The following KIRREL1 variants were observed in gnomAD, a reference collection of about 807,000 sequenced individuals.
The protein encoded by KIRREL1 is kirre like nephrin family adhesion molecule 1.
KIRREL1 carries 25 observed loss-of-function variants against 83.3 expected under a neutral mutation model. The observed-to-expected ratio is 0.30, with a 90% CI of 0.22 to 0.42. The LOEUF (loss-of-function observed/expected upper bound fraction) is 0.42, where lower values mean the gene tolerates loss of function less well. Among genes scored for constraint, KIRREL1 ranks in the 10% least tolerant of loss-of-function variants. The pLI, the probability that KIRREL1 is intolerant of heterozygous loss-of-function variation, is 1.00. For synonymous variants in KIRREL1, 388 were observed against 410.4 expected (o/e 0.95, Z 0.66); for missense variants, 812 against 1,032.3 (o/e 0.79, Z 2.92).
intron 1 of KIRREL1, chr1:158,030,723 A>G (rs1265706801): frequency 6.6e-6 from 1 of 152,212 alleles, no homozygotes; most frequent in Non-Finnish European, 1.5e-5. Flanking sequence ...CTAGGCCTGG[A>G]GCAGGTGAGA....
At chr1:158,091,692 G>C (rs1226260645) in intron 11 of KIRREL1, 136 bp downstream of exon 11, 1 of 812,896 alleles carries the variant, frequency 1.2e-6, no homozygotes, top group Non-Finnish European at 2.0e-6. Flanking sequence ...ACAGAGGGAT[G>C]TCCTGGCTGA....
At position 158,098,790 on chromosome 1, in the gene KIRREL1, C is replaced by T. The variant is rs528289286; in HGVS notation, c.*3670C>T. ...AACATCTGAGCACCCTGTCTTCAAG[C>T]GGTACGCTCTCCCCTTATTCCAGCA... On this transcript the variant is annotated 3_prime_UTR_variant, in exon 15 of 15. Transcript: ENST00000359209. 6.6e-6 allele frequency: 1 copy of T among 152,228 alleles called. No individual in the cohort carries two copies. Among genetic ancestry groups the T allele is most frequent in the African/African-American group, 2.4e-5 (1 of 41,450 alleles). The allele number at this position is 152,228 out of a possible 1,614,324, so 9.4% of individuals were successfully genotyped here.
chr1:158,035,620 A>G (rs1660454935), intron 1 of KIRREL1, among the ~76,000 whole-genome samples: 1 of 152,308 alleles, frequency 6.6e-6, no homozygotes, highest in Non-Finnish European at 1.5e-5. Context: ...GTTCTGGATG[A>G]GGTGTTAAGG....
chr1:158,028,670 T>A (rs1331487616), intron 1 of KIRREL1, among the ~76,000 whole-genome samples: 1 of 152,232 alleles, frequency 6.6e-6, no homozygotes, highest in African/African-American at 2.4e-5. Context: ...TTTTCTATTT[T>A]TTTAACTTAT....
At chr1:158,007,948 A>G (rs1484964772) in intron 1 of KIRREL1, among the ~76,000 whole-genome samples, 1 of 151,940 alleles carries the variant, frequency 6.6e-6, no homozygotes, top group African/African-American at 2.4e-5. Context: ...TAATTTGTGG[A>G]TTATAGCTAA....
At chr1:158,005,071 G>T (rs1053080782) in intron 1 of KIRREL1, among the ~76,000 whole-genome samples, 2 of 152,188 alleles carry the variant, frequency 1.3e-5, no homozygotes, top group Non-Finnish European at 2.9e-5. Flanking sequence ...TGCAGATTCT[G>T]ACTCACAAAG....
intron 1 of KIRREL1, among the ~76,000 whole-genome samples, chr1:158,070,962 C>T (rs1019344704): frequency 3.3e-5 from 5 of 152,140 alleles, no homozygotes; most frequent in African/African-American, 4.8e-5. Flanking sequence ...TGGGCCTTCT[C>T]GTAATTTCCT....
At chr1:158,029,931 C>T (rs1660278507) in intron 1 of KIRREL1, among the ~76,000 whole-genome samples, 1 of 152,126 alleles carries the variant, frequency 6.6e-6, no homozygotes, top group Non-Finnish European at 1.5e-5. Context: ...GTACGTAGTA[C>T]AAAATATAAA....
intron 1 of KIRREL1, among the ~76,000 whole-genome samples, chr1:158,033,213 A>C (rs1373194499): frequency 1.3e-5 from 2 of 152,030 alleles, no homozygotes; most frequent in African/African-American, 2.4e-5. Flanking sequence ...CTGGGATCAC[A>C]GGCGCCCACC....
At chr1:158,089,965 T>A in intron 10 of KIRREL1, 147 bp downstream of exon 10, 1 of 690,630 alleles carries the variant, frequency 1.4e-6, no homozygotes, top group Non-Finnish European at 2.6e-6. Flanking sequence ...CCTCTGTCCC[T>A]TTACCTGCTC....
At position 158,088,171 on chromosome 1, in the gene KIRREL1, G is replaced by T. The variant is rs1452966228; in HGVS notation, c.916+17G>T. 2 of 1,614,034 alleles carry T rather than the reference G, an allele frequency of 1.2e-6. No individual in the cohort carries two copies. Among genetic ancestry groups the T allele is most frequent in the African/African-American group, 2.7e-5 (2 of 74,914 alleles). On this transcript the variant is annotated intron_variant, in intron 7 of 14. Coordinates refer to ENST00000359209, the MANE Select transcript of KIRREL1 (RefSeq NM_018240.7). ...ATGTCCACTGTGAGTAGCTGGGAGG[G>T]CAGGGACGGGGACAGAGAGCAGGGG...
chr1:158,084,610 C>T, intron 4 of KIRREL1, 31 bp downstream of exon 4: 1 of 1,548,472 alleles, frequency 6.5e-7, no homozygotes, highest in Non-Finnish European at 8.7e-7. Flanking sequence ...CCAGCTCCTC[C>T]TGGGCCTAGC....
At chr1:158,025,146 C>T (rs1660131755) in intron 1 of KIRREL1, among the ~76,000 whole-genome samples, 1 of 152,120 alleles carries the variant, frequency 6.6e-6, no homozygotes, top group Admixed American at 6.5e-5. Context: ...TGCAGGGGAG[C>T]GCTTTGGATG....
chr1:158,023,440 C>CT (rs879452025), intron 1 of KIRREL1, among the ~76,000 whole-genome samples: 72 of 152,304 alleles, frequency 4.7e-4, no homozygotes, highest in Admixed American at 1.2e-3. Context: ...TAAATTTTCA[C>CT]TTAAGAACAA....
intron 1 of KIRREL1, among the ~76,000 whole-genome samples, chr1:158,028,106 C>T (rs114353348): frequency 1.8e-3 from 277 of 152,356 alleles, no homozygotes; most frequent in Non-Finnish European, 3.2e-3. Context: ...TCTGCTCATT[C>T]CTGCCCCCAG....
intron 1 of KIRREL1, among the ~76,000 whole-genome samples, chr1:158,027,038 C>G (rs1003922283): frequency 1.8e-4 from 28 of 152,222 alleles, no homozygotes; most frequent in African/African-American, 5.5e-4. Context: ...GAGATAGCAT[C>G]AGATCCCCCA....
intron 1 of KIRREL1, among the ~76,000 whole-genome samples, chr1:158,031,343 GCA>G (rs71793228): frequency 0.062 from 8,879 of 144,304 alleles, 319 homozygotes; most frequent in South Asian, 0.2. Flanking sequence ...ACACGCGCGT[GCA>G]CACACACACA....
At chr1:158,014,624 A>G (rs925231978) in intron 1 of KIRREL1, among the ~76,000 whole-genome samples, 3 of 129,906 alleles carry the variant, frequency 2.3e-5, no homozygotes, top group African/African-American at 8.7e-5. Context: ...CCAGTCCCTT[A>G]GACCGACACT....
chr1:158,092,030 C>T (rs1188241204), intron 11 of KIRREL1, among the ~76,000 whole-genome samples: 3 of 152,168 alleles, frequency 2.0e-5, no homozygotes, highest in African/African-American at 2.4e-5. Context: ...GGGAATAACA[C>T]GCCCATCTCA....
Sources: gnomAD v4.1 joint callset for allele counts (sites outside exome capture counted in the v4.1 genomes callset) on GRCh38, gnomAD v4.1.1 for gene constraint, MANE v1.5 for transcripts, NCBI Gene and HGNC (gene_info 2026-07-23, HGNC 2026-07-21) for gene names.